The following KSR2 variants were observed in gnomAD, a reference collection of about 807,000 sequenced individuals.
The protein encoded by KSR2 is kinase suppressor of ras 2.
In KSR2, 25 loss-of-function variants were observed where a neutral mutation model predicts 107.8. The observed-to-expected ratio is 0.23, with a 90% CI of 0.17 to 0.32. The LOEUF is 0.32. KSR2 is among the 10% of genes least tolerant of loss of function. The pLI, the probability that KSR2 is intolerant of heterozygous loss-of-function variation, is 1.00. For missense variants in KSR2, 887 were observed against 1,268.9 expected (o/e 0.70, Z 4.57); for synonymous variants, 480 against 507.0 (o/e 0.95, Z 0.71).
chr12:117,566,221 G>A (rs1211462013), intron 7 of KSR2, among the ~76,000 whole-genome samples: 1 of 152,148 alleles, frequency 6.6e-6, no homozygotes, highest in East Asian at 1.9e-4. Context: ...CCCAGTTCGA[G>A]TGACTCTCCT....
chr12:117,615,955 C>A (rs1219299484), intron 5 of KSR2, among the ~76,000 whole-genome samples: 2 of 152,068 alleles, frequency 1.3e-5, no homozygotes, highest in African/African-American at 4.8e-5. Context: ...AAGTTCGAGA[C>A]CACCCTGGGC....
chr12:117,844,667 AT>A (rs1442249947), intron 3 of KSR2, among the ~76,000 whole-genome samples: 1 of 152,160 alleles, frequency 6.6e-6, no homozygotes, highest in Non-Finnish European at 1.5e-5. Flanking sequence ...ACATAAAGAA[AT>A]AAGTACACAC....
At chr12:117,662,107 C>G (rs569232819) in intron 5 of KSR2, among the ~76,000 whole-genome samples, 1 of 152,096 alleles carries the variant, frequency 6.6e-6, no homozygotes, top group Non-Finnish European at 1.5e-5. Context: ...GAGGAGATAC[C>G]AGCACCGACC....
intron 1 of KSR2, among the ~76,000 whole-genome samples, chr12:117,943,204 T>C (rs1896064079): frequency 6.6e-6 from 1 of 152,138 alleles, no homozygotes; most frequent in Non-Finnish European, 1.5e-5. Flanking sequence ...ACATATTCTG[T>C]TTTTTCTACA....
chr12:117,491,513 T>C (rs1872742434), intron 14 of KSR2, among the ~76,000 whole-genome samples: 3 of 152,316 alleles, frequency 2.0e-5, no homozygotes, highest in Admixed American at 2.0e-4. Context: ...CTTTTTTCAC[T>C]TAGCATAATG....
intron 5 of KSR2, among the ~76,000 whole-genome samples, chr12:117,663,459 T>A (rs148460172): frequency 6.6e-6 from 1 of 152,340 alleles, no homozygotes; most frequent in African/African-American, 2.4e-5. Flanking sequence ...CCGATTGCTA[T>A]TATTAACATG....
intron 4 of KSR2, among the ~76,000 whole-genome samples, chr12:117,707,809 G>A (rs919794483): frequency 1.3e-5 from 2 of 152,170 alleles, no homozygotes; most frequent in African/African-American, 4.8e-5. Flanking sequence ...GCACCAAGGT[G>A]TGGCTGTCTG....
chr12:117,869,369 C>G (rs1394301915), intron 1 of KSR2, among the ~76,000 whole-genome samples: 1 of 152,026 alleles, frequency 6.6e-6, no homozygotes, highest in Non-Finnish European at 1.5e-5. Context: ...AAGACTCCAT[C>G]TCAAAAAAAA....
intron 4 of KSR2, among the ~76,000 whole-genome samples, chr12:117,689,522 T>C (rs987925164): frequency 3.3e-5 from 5 of 152,170 alleles, no homozygotes; most frequent in Non-Finnish European, 4.4e-5. Context: ...AGGCATTATA[T>C]AAACAAATGG....
At chr12:117,835,157 CA>C (rs1892148807) in intron 3 of KSR2, among the ~76,000 whole-genome samples, 1 of 152,326 alleles carries the variant, frequency 6.6e-6, no homozygotes, top group South Asian at 2.1e-4. Flanking sequence ...CCAGAGAAGT[CA>C]GGGGCAGAGC....
intron 7 of KSR2, among the ~76,000 whole-genome samples, chr12:117,578,805 A>C (rs1458267384): frequency 6.6e-6 from 1 of 152,092 alleles, no homozygotes; most frequent in Non-Finnish European, 1.5e-5. Context: ...AATATTTACT[A>C]TCTGGTCAAC....
In KSR2 at chr12:117,823,041, A is replaced by G. The variant is rs116374488; in HGVS notation, c.472+32387T>C. ...AACGTCCAATCAGAATCAGCTAGGGAAAAAGAAAAGAATGTTCCAGACAGA... is the reference window on the plus strand; with the variant it reads ...AACGTCCAATCAGAATCAGCTAGGGGAAAAGAAAAGAATGTTCCAGACAGA... On this transcript the variant is annotated intron_variant, in intron 3 of 19. Coordinates refer to ENST00000339824, the MANE Select transcript of KSR2 (RefSeq NM_173598.6). Among the ~76,000 whole-genome samples the G allele has an allele frequency of 7.6e-3, 1,161 of 152,292 alleles. 15 individuals are homozygous for G. The highest frequency in any genetic ancestry group is 0.027 in the African/African-American group (1,109 of 41,566).
intron 4 of KSR2, among the ~76,000 whole-genome samples, chr12:117,757,313 A>C (rs1457232480): frequency 6.6e-6 from 1 of 152,234 alleles, no homozygotes; most frequent in African/African-American, 2.4e-5. Context: ...TCTCATGATA[A>C]AACTTAAATA....
At chr12:117,781,187 T>C (rs951771663) in intron 3 of KSR2, among the ~76,000 whole-genome samples, 3 of 152,240 alleles carry the variant, frequency 2.0e-5, no homozygotes, top group African/African-American at 7.2e-5. Context: ...GTCCCTTTGC[T>C]TTTCCTTCGT....
At chr12:117,678,343 T>C (rs1256834253) in intron 4 of KSR2, among the ~76,000 whole-genome samples, 1 of 152,026 alleles carries the variant, frequency 6.6e-6, no homozygotes, top group Non-Finnish European at 1.5e-5. Context: ...AGAAAGAGGA[T>C]ACTACCCCCA....
intron 4 of KSR2, among the ~76,000 whole-genome samples, chr12:117,747,929 G>A (rs1888470570): frequency 6.6e-6 from 1 of 152,180 alleles, no homozygotes; most frequent in South Asian, 2.1e-4. Flanking sequence ...ACTACCATAA[G>A]ATTCAGAAAT....
intron 1 of KSR2, among the ~76,000 whole-genome samples, chr12:117,903,974 G>A (rs2137403143): frequency 6.6e-6 from 1 of 152,258 alleles, no homozygotes. Flanking sequence ...ACTCCAGCCT[G>A]GGTGACAGAG....
chr12:117,550,379 T>G (rs1001541176), intron 9 of KSR2, among the ~76,000 whole-genome samples: 2 of 152,200 alleles, frequency 1.3e-5, no homozygotes, highest in African/African-American at 4.8e-5. Flanking sequence ...TGATGGTCAT[T>G]GCTCTCCCAT....
At chr12:117,664,674 G>A (rs1408213109) in intron 5 of KSR2, among the ~76,000 whole-genome samples, 3 of 152,152 alleles carry the variant, frequency 2.0e-5, no homozygotes, top group African/African-American at 7.2e-5. Context: ...CTCAGGGAGT[G>A]CATACCCCTG....
Sources: gnomAD v4.1 joint callset for allele counts (sites outside exome capture counted in the v4.1 genomes callset) on GRCh38, gnomAD v4.1.1 for gene constraint, MANE v1.5 for transcripts, NCBI Gene and HGNC (gene_info 2026-07-23, HGNC 2026-07-21) for gene names.